Variants in FMN2 observed in about 807,000 individuals in gnomAD.
The protein encoded by FMN2 is formin-2.
In FMN2, 51 loss-of-function variants were observed where a neutral mutation model predicts 142.3. The ratio of observed to expected loss-of-function variants is 0.36; its 90% CI spans 0.29 to 0.45. The LOEUF is 0.45. Among genes scored for constraint, FMN2 ranks in the 20% least tolerant of loss-of-function variants. The pLI is 1.00. For synonymous variants in FMN2, 882 were observed against 869.8 expected (o/e 1.01, Z -0.25); for missense variants, 1,936 against 2,122.8 (o/e 0.91, Z 1.73).
At chr1:240,409,898 T>G (rs1674339096) in intron 15 of FMN2, among the ~76,000 whole-genome samples, 1 of 152,214 alleles carries the variant, frequency 6.6e-6, no homozygotes, top group African/African-American at 2.4e-5. Flanking sequence ...ACTAGCAGTG[T>G]GAGGACATGT....
At chr1:240,324,674 G>A (rs76866154) in intron 8 of FMN2, among the ~76,000 whole-genome samples, 2,412 of 131,248 alleles carry the variant, frequency 0.018, 71 homozygotes, top group African/African-American at 0.061. Context: ...GTCGAAAGAA[G>A]GAAAGAGAGA....
At chr1:240,454,668 T>C (rs1676179210) in intron 16 of FMN2, among the ~76,000 whole-genome samples, 1 of 152,206 alleles carries the variant, frequency 6.6e-6, no homozygotes, top group Admixed American at 6.5e-5. Context: ...TTACACATCT[T>C]GTTCTTCTTA....
At chr1:240,114,047 A>T (rs540255285) in intron 1 of FMN2, among the ~76,000 whole-genome samples, 144 of 152,354 alleles carry the variant, frequency 9.5e-4, no homozygotes, top group African/African-American at 3.3e-3. Context: ...ATGAATTCCC[A>T]TGAATCCATT....
intron 6 of FMN2, among the ~76,000 whole-genome samples, chr1:240,216,873 C>T (rs972397507): frequency 2.6e-5 from 4 of 151,738 alleles, no homozygotes; most frequent in South Asian, 2.1e-4. Context: ...TGCTTGAACC[C>T]GGGAGGCGGA....
At chr1:240,287,365 C>T (rs1188269810) in intron 7 of FMN2, among the ~76,000 whole-genome samples, 3 of 152,162 alleles carry the variant, frequency 2.0e-5, no homozygotes, top group African/African-American at 7.2e-5. Flanking sequence ...AAAGCTTTTC[C>T]TGTGGCTTCT....
intron 7 of FMN2, among the ~76,000 whole-genome samples, chr1:240,282,615 C>A (rs1669437130): frequency 6.6e-6 from 1 of 152,178 alleles, no homozygotes; most frequent in Non-Finnish European, 1.5e-5. Context: ...GTTAAGAATG[C>A]CTGGCAGCAC....
At position 240,246,725 on chromosome 1, in the gene FMN2, G is replaced by A. The variant is rs115491282; in HGVS notation, c.4066-11220G>A. Among the ~76,000 whole-genome samples the A allele has an allele frequency of 3.6e-3, 543 of 152,230 alleles. 1 individual carries two copies. The highest frequency in any genetic ancestry group is 4.5e-3 in the Non-Finnish European group (304 of 68,000). ...AATACTGCTTTATTTTACAGAGACCGTGTTCATAATCTCTACACAGTCCTG... is the reference window on the plus strand; with the variant it reads ...AATACTGCTTTATTTTACAGAGACCATGTTCATAATCTCTACACAGTCCTG... On this transcript the variant is annotated intron_variant, in intron 6 of 17. Coordinates refer to ENST00000319653, the MANE Select transcript of FMN2 (RefSeq NM_020066.5).
rs575349467 is a variant in FMN2 at position 240,423,086 on chromosome 1, A to G, written c.4911-14975A>G. On this transcript the variant is annotated intron_variant, in intron 15 of 17. Transcript: ENST00000319653. ...CCTCTTACCATTCTGAATTCCTCTG[A>G]TTTTTTCATTGCCTGCAACAAACTG... Among the ~76,000 whole-genome samples, 39 of 152,240 alleles carry G rather than the reference A, an allele frequency of 2.6e-4. 1 individual carries two copies. Among genetic ancestry groups the G allele is most frequent in the Middle Eastern group, 3.4e-3 (1 of 294 alleles).
intron 2 of FMN2, among the ~76,000 whole-genome samples, chr1:240,135,617 A>G (rs1341346817): frequency 1.3e-5 from 2 of 151,832 alleles, no homozygotes; most frequent in Non-Finnish European, 2.9e-5. Context: ...AAGGCTTTCA[A>G]TATATATTTT....
chr1:240,437,971 G>C, intron 15 of FMN2, 90 bp from the exon 16 acceptor site: 2 of 1,462,128 alleles, frequency 1.4e-6, no homozygotes, highest in Admixed American at 2.1e-5. Context: ...AATTGTGCAT[G>C]AATAAAATCA....
chr1:240,230,413 G>C (rs1470535246), intron 6 of FMN2, among the ~76,000 whole-genome samples: 1 of 131,622 alleles, frequency 7.6e-6, no homozygotes, highest in Non-Finnish European at 1.6e-5. Flanking sequence ...ATGAGAGCAG[G>C]AAGAGCTGAC....
chr1:240,241,197 G>A (rs1220845115), intron 6 of FMN2, among the ~76,000 whole-genome samples: 1 of 148,202 alleles, frequency 6.7e-6, no homozygotes, highest in Non-Finnish European at 1.5e-5. Flanking sequence ...CGGTTTGTTT[G>A]GAATCACTTT....
intron 14 of FMN2, among the ~76,000 whole-genome samples, chr1:240,361,496 A>G (rs1056488192): frequency 6.6e-6 from 1 of 152,180 alleles, no homozygotes; most frequent in African/African-American, 2.4e-5. Context: ...TGAAGAGAGA[A>G]TAGCAGTGAT....
intron 7 of FMN2, among the ~76,000 whole-genome samples, chr1:240,266,261 A>G (rs1668800246): frequency 6.6e-6 from 1 of 151,752 alleles, no homozygotes; most frequent in East Asian, 1.9e-4. Flanking sequence ...TTTAGCTCCC[A>G]GTTATAAGTT....
intron 14 of FMN2, among the ~76,000 whole-genome samples, chr1:240,363,417 T>C (rs899203050): frequency 2.0e-5 from 3 of 152,246 alleles, no homozygotes; most frequent in Non-Finnish European, 4.4e-5. Flanking sequence ...TGTAGATTTT[T>C]AAATTTCCCT....
At chr1:240,280,291 G>A (rs1230690622) in intron 7 of FMN2, among the ~76,000 whole-genome samples, 1 of 152,024 alleles carries the variant, frequency 6.6e-6, no homozygotes, top group Non-Finnish European at 1.5e-5. Flanking sequence ...TATAATCATT[G>A]TGTTTATAAT....
chr1:240,171,341 C>T (rs1664694583), intron 2 of FMN2: 2 of 630,590 alleles, frequency 3.2e-6, no homozygotes, highest in Admixed American at 2.6e-5. Flanking sequence ...GTGATGGGAG[C>T]AGCCTAACAG....
intron 7 of FMN2, among the ~76,000 whole-genome samples, chr1:240,262,921 C>T (rs1273370815): frequency 1.3e-5 from 2 of 151,866 alleles, no homozygotes; most frequent in African/African-American, 4.8e-5. Context: ...CCACCACGCC[C>T]AGCTAATTTG....
At chr1:240,266,631 A>G (rs1668816492) in intron 7 of FMN2, among the ~76,000 whole-genome samples, 1 of 152,048 alleles carries the variant, frequency 6.6e-6, no homozygotes, top group Non-Finnish European at 1.5e-5. Context: ...ACCTAGGTTG[A>G]TTCTAAATCT....
Sources: gnomAD v4.1 joint callset for allele counts (sites outside exome capture counted in the v4.1 genomes callset) on GRCh38, gnomAD v4.1.1 for gene constraint, MANE v1.5 for transcripts, NCBI Gene and HGNC (gene_info 2026-07-23, HGNC 2026-07-21) for gene names.